NLGN1: variants seen among roughly 807,000 people sequenced by gnomAD.
The protein encoded by NLGN1 is neuroligin 1, also known as neuroligin-1.
Under a neutral mutation model 65.5 loss-of-function variants are expected in NLGN1, and 12 were observed. The ratio of observed to expected loss-of-function variants is 0.18; its 90% CI spans 0.12 to 0.30. The LOEUF is 0.30. NLGN1 is among the 10% of genes least tolerant of loss of function. NLGN1 has a pLI of 1.00. For missense variants in NLGN1, 750 were observed against 1,007.1 expected (o/e 0.74, Z 3.46); for synonymous variants, 350 against 359.5 (o/e 0.97, Z 0.30).
In NLGN1 at chr3:173,623,244, C is replaced by T. The variant is rs1287381462; in HGVS notation, c.493+18153C>T. 2.0e-5 allele frequency among the ~76,000 whole-genome samples: 3 copies of T among 151,872 alleles called. No individual in the cohort carries two copies. The South Asian group carries it at 6.2e-4, about 31-fold the overall frequency. On this transcript the variant is annotated intron_variant, in intron 3 of 6. Transcript: ENST00000457714. ...GCAAGTCAACAATACTAGTTGGATG[C>T]TTATAGCAGTGGGACCCACTGACTG...
chr3:173,771,956 T>C lies in NLGN1; in HGVS notation c.494-35724T>C, dbSNP rs148479969. Among the ~76,000 whole-genome samples, 86 of 152,132 alleles carry C rather than the reference T, an allele frequency of 5.7e-4. No individual in the cohort carries two copies. In the East Asian group the frequency reaches 0.016, roughly 28 times the overall value. On this transcript the variant is annotated intron_variant, in intron 3 of 6. Transcript: ENST00000457714. ...TTAACTTGTCTTTGTCAACTTTGAA[T>C]TTAACCAAAAAACAGAAAAGTGTGA...
chr3:173,445,594 A>G (rs183957135), intron 2 of NLGN1, among the ~76,000 whole-genome samples: 72 of 152,316 alleles, frequency 4.7e-4, no homozygotes, highest in African/African-American at 1.7e-3. Context: ...TACCGTCTGC[A>G]CTAATAGAGT....
rs1042019088 is a variant in NLGN1, at chr3:173,978,891, C to T, written c.646+171059C>T. ...CTTGTGGCAGACATCTGTAATCCCA[C>T]CTAATCAGGAGGCTGAGGCACAAGA... On this transcript the variant is annotated intron_variant, in intron 4 of 6. Transcript: ENST00000457714. 5.3e-5 allele frequency among the ~76,000 whole-genome samples: 8 copies of T among 149,934 alleles called. No individual in the cohort carries two copies. In the South Asian group the frequency reaches 8.5e-4, roughly 16 times the overall value.
At chr3:173,575,216 T>TA (rs934820735) in intron 2 of NLGN1, among the ~76,000 whole-genome samples, 13 of 151,030 alleles carry the variant, frequency 8.6e-5, no homozygotes, top group African/African-American at 2.2e-4. Context: ...AATAAAAAAA[T>TA]AAAAAAAAAT....
At chr3:173,418,478 A>G (rs1714262516) in intron 1 of NLGN1, among the ~76,000 whole-genome samples, 1 of 152,176 alleles carries the variant, frequency 6.6e-6, no homozygotes, top group Admixed American at 6.6e-5. Flanking sequence ...TGTCTCAGGC[A>G]GAAGTTCGTT....
intron 2 of NLGN1, among the ~76,000 whole-genome samples, chr3:173,516,011 T>C (rs1293139927): frequency 6.6e-6 from 1 of 152,104 alleles, no homozygotes; most frequent in African/African-American, 2.4e-5. Context: ...TGAGAGACCA[T>C]ATGATTTTTA....
intron 2 of NLGN1, among the ~76,000 whole-genome samples, chr3:173,519,349 G>A (rs1471860132): frequency 6.6e-6 from 1 of 152,164 alleles, no homozygotes; most frequent in Non-Finnish European, 1.5e-5. Context: ...TGATAAGAGG[G>A]CCACTATCCT....
In NLGN1 at chr3:174,280,199, ATG is replaced by A. The variant is rs2152893987; in HGVS notation, c.1650-279_1650-278del. On this transcript the variant is annotated intron_variant, in intron 6 of 6. Coordinates refer to ENST00000457714, the Ensembl canonical transcript of NLGN1. This position sits in a 1 kb window ranked among gnomAD's most constrained non-coding sequence, Gnocchi z 4.9. The stretch of plus-strand genomic sequence containing the variant: ...CTTGCCTATGAGACAACTCATACGT[ATG>A]TGAGTATTTAAATAATTCTTTAAAA... Among the ~76,000 whole-genome samples, 1 of 152,096 alleles carries A rather than the reference ATG, an allele frequency of 6.6e-6. No individual in the cohort carries two copies. The highest frequency in any genetic ancestry group is 2.1e-4 in the South Asian group (1 of 4,830).
rs1354973254 is a variant in NLGN1, at chr3:173,669,353, G to T, written c.493+64262G>T. Among the ~76,000 whole-genome samples, 3 of 152,310 alleles carry T rather than the reference G, an allele frequency of 2.0e-5. No individual in the cohort carries two copies. In the East Asian group the frequency reaches 5.8e-4, roughly 29 times the overall value. ...AAAATTTTGTCCCTTCAGGCCAGAA[G>T]TCTGAAGTTAAGGTGTTTGGCAGGG... is the stretch of plus-strand genomic sequence containing the variant. On this transcript the variant is annotated intron_variant, in intron 3 of 6. Transcript: ENST00000457714.
chr3:174,281,872 G>A (rs1304097342), exon 7 of NLGN1: 1 of 152,434 alleles, frequency 6.6e-6, no homozygotes. Flanking sequence ...AGTGCTGTCA[G>A]TATAAAGTTG....
intron 4 of NLGN1, among the ~76,000 whole-genome samples, chr3:173,950,092 G>A (rs1747916932): frequency 6.6e-6 from 1 of 151,876 alleles, no homozygotes; most frequent in African/African-American, 2.4e-5. Context: ...TAAAAAATTT[G>A]GTAAAATTAT....
At chr3:174,009,448 C>G (rs1216590995) in intron 4 of NLGN1, among the ~76,000 whole-genome samples, 1 of 152,072 alleles carries the variant, frequency 6.6e-6, no homozygotes, top group Non-Finnish European at 1.5e-5. Context: ...TGCATTATCT[C>G]CTTTCATCTT....
intron 2 of NLGN1, among the ~76,000 whole-genome samples, chr3:173,447,248 G>A (rs1033174164): frequency 2.0e-5 from 3 of 152,176 alleles, no homozygotes; most frequent in African/African-American, 4.8e-5. Context: ...TGTATAAGGT[G>A]TAAGGAAGGG....
chr3:173,629,678 CTAT>C (rs1255821023), intron 3 of NLGN1, among the ~76,000 whole-genome samples: 1 of 151,964 alleles, frequency 6.6e-6, no homozygotes, highest in African/African-American at 2.4e-5. Context: ...TATCAAGTTT[CTAT>C]TAGACAACTC....
intron 3 of NLGN1, among the ~76,000 whole-genome samples, chr3:173,800,537 A>G (rs977698489): frequency 9.9e-5 from 15 of 151,766 alleles, no homozygotes; most frequent in African/African-American, 3.6e-4. Flanking sequence ...AAAAATTAAT[A>G]TTAAGTTTTA....
At chr3:174,010,181 C>T (rs1725247600) in intron 4 of NLGN1, among the ~76,000 whole-genome samples, 1 of 152,082 alleles carries the variant, frequency 6.6e-6, no homozygotes, top group Admixed American at 6.6e-5. Flanking sequence ...AAACATAATA[C>T]CTCTGAAGAC....
intron 3 of NLGN1, among the ~76,000 whole-genome samples, chr3:173,642,649 C>T (rs561194115): frequency 2.0e-5 from 3 of 152,150 alleles, no homozygotes; most frequent in African/African-American, 4.8e-5. Flanking sequence ...CTAGTGCTGC[C>T]CTGTACCTAC....
chr3:173,756,303 A>C (rs1245453614), intron 3 of NLGN1, among the ~76,000 whole-genome samples: 3 of 151,982 alleles, frequency 2.0e-5, no homozygotes. Context: ...CATCAATATA[A>C]ATTTATTTTA....
chr3:173,654,496 A>G (rs1759679558), intron 3 of NLGN1, among the ~76,000 whole-genome samples: 1 of 152,150 alleles, frequency 6.6e-6, no homozygotes, highest in African/African-American at 2.4e-5. Context: ...TCAGGTCCCT[A>G]TTATAAGTAA....
Sources: gnomAD v4.1 joint callset for allele counts (sites outside exome capture counted in the v4.1 genomes callset) on GRCh38, gnomAD v4.1.1 for gene constraint, Gnocchi (gnomAD v3.1) non-coding constraint, MANE v1.5 for transcripts, NCBI Gene and HGNC (gene_info 2026-07-23, HGNC 2026-07-21) for gene names.